RBMS3: variants seen among roughly 807,000 people sequenced by gnomAD.
The protein encoded by RBMS3 is RNA-binding motif, single-stranded-interacting protein 3.
RBMS3 carries 27 observed loss-of-function variants against 66.8 expected under a neutral mutation model. The ratio of observed to expected loss-of-function variants is 0.40; its 90% CI spans 0.30 to 0.56. The LOEUF is 0.56. RBMS3 is among the 20% of genes least tolerant of loss of function. The pLI is 0.40. For missense variants in RBMS3, 513 were observed against 549.5 expected, an observed-to-expected ratio of 0.93 and a Z score of 0.66; for synonymous variants, 188 against 183.0, an observed-to-expected ratio of 1.03 and a Z score of -0.22.
chr3:29,320,704 G>A (rs942446453), intron 1 of RBMS3, among the ~76,000 whole-genome samples: 1 of 151,986 alleles, frequency 6.6e-6, no homozygotes, highest in Non-Finnish European at 1.5e-5. Context: ...AGTCATAAGA[G>A]ATGTATTATA....
chr3:29,469,147 A>G (rs985633128), intron 2 of RBMS3, among the ~76,000 whole-genome samples: 8 of 152,166 alleles, frequency 5.3e-5, no homozygotes, highest in African/African-American at 1.7e-4. Flanking sequence ...ATCAAGTTTC[A>G]TTAATGCATT....
At chr3:29,639,328 T>A (rs186314423) in intron 4 of RBMS3, among the ~76,000 whole-genome samples, 1 of 151,862 alleles carries the variant, frequency 6.6e-6, no homozygotes, top group African/African-American at 2.4e-5. Context: ...ACTATGGATT[T>A]TTAGGTCCTA....
chr3:29,621,836 C>A (rs1462413896), intron 4 of RBMS3, among the ~76,000 whole-genome samples: 2 of 151,944 alleles, frequency 1.3e-5, no homozygotes, highest in South Asian at 2.1e-4. Context: ...ATATCATATA[C>A]CTGTAGAAAA....
At chr3:29,610,962 A>G (rs546813861) in intron 4 of RBMS3, among the ~76,000 whole-genome samples, 1 of 152,114 alleles carries the variant, frequency 6.6e-6, no homozygotes, top group Non-Finnish European at 1.5e-5. Flanking sequence ...TATACAGTTA[A>G]TGGGATTTGT....
intron 6 of RBMS3, among the ~76,000 whole-genome samples, chr3:29,854,927 A>G (rs1176330049): frequency 6.6e-6 from 1 of 152,166 alleles, no homozygotes; most frequent in Non-Finnish European, 1.5e-5. Context: ...TGACTGTACT[A>G]TTTCTATGCT....
intron 6 of RBMS3, among the ~76,000 whole-genome samples, chr3:29,807,267 T>C (rs933969132): frequency 6.6e-6 from 1 of 151,976 alleles, no homozygotes; most frequent in Non-Finnish European, 1.5e-5. Flanking sequence ...ACTGTCTTTT[T>C]CTTCTCTGCA....
At position 29,968,198 on chromosome 3, in the gene RBMS3, C is replaced by A. The variant is rs984469672; in HGVS notation, c.1099-19945C>A. On this transcript the variant is annotated intron_variant, in intron 12 of 14. Transcript: ENST00000383767. ...CTCACTCCCACGGCTGCCCACCCGGCCTGCCCCCGTAACAGTCTGTTTCCA... is the reference window on the plus strand; with the variant it reads ...CTCACTCCCACGGCTGCCCACCCGGACTGCCCCCGTAACAGTCTGTTTCCA... Among the ~76,000 whole-genome samples the A allele has an allele frequency of 2.0e-5, 3 of 147,194 alleles. No homozygotes were observed. The South Asian group carries it at 6.4e-4, about 31-fold the overall frequency.
chr3:29,364,972 C>T (rs1340715849), intron 1 of RBMS3, among the ~76,000 whole-genome samples: 3 of 152,072 alleles, frequency 2.0e-5, no homozygotes, highest in Non-Finnish European at 4.4e-5. Context: ...TCCTTTTTCC[C>T]AGTTCCTAAG....
In RBMS3 at chr3:29,600,258, T is replaced by C. The variant is rs76380327; in HGVS notation, c.399+13053T>C. Among the ~76,000 whole-genome samples, 1,034 of 152,108 alleles carry C rather than the reference T, an allele frequency of 6.8e-3. 29 individuals carry two copies. Among genetic ancestry groups the C allele is most frequent in the Admixed American group, 0.055 (832 of 15,236 alleles). ...ACCTCATGCTGAAATTCGATCCCCG[T>C]GTTGGAGCTGGGGCCTAGTTGGAGG... On this transcript the variant is annotated intron_variant, in intron 4 of 14. Coordinates refer to ENST00000383767, the MANE Select transcript of RBMS3 (RefSeq NM_001003793.3).
intron 1 of RBMS3, among the ~76,000 whole-genome samples, chr3:29,295,358 C>T (rs2371609): frequency 0.87 from 125,405 of 143,532 alleles, 54,899 homozygotes; most frequent in Middle Eastern, 0.92. Flanking sequence ...TATATATATA[C>T]ACACACATAT....
At chr3:29,396,446 A>G (rs984650663) in intron 1 of RBMS3, among the ~76,000 whole-genome samples, 13 of 152,172 alleles carry the variant, frequency 8.5e-5, no homozygotes, top group African/African-American at 3.1e-4. Context: ...AAATTGGAGT[A>G]CTAATTCTAG....
intron 1 of RBMS3, among the ~76,000 whole-genome samples, chr3:29,357,944 A>G (rs2037326225): frequency 6.6e-6 from 1 of 151,794 alleles, no homozygotes; most frequent in Admixed American, 6.6e-5. Context: ...TGGATTCTGG[A>G]TATTAACCCT....
intron 6 of RBMS3, among the ~76,000 whole-genome samples, chr3:29,859,355 A>G (rs1450460388): frequency 6.6e-6 from 1 of 152,128 alleles, no homozygotes; most frequent in African/African-American, 2.4e-5. Flanking sequence ...CCAAAATGAT[A>G]AAGTCAGTCA....
At chr3:29,585,590 C>G (rs1363782010) in intron 3 of RBMS3, among the ~76,000 whole-genome samples, 1 of 152,100 alleles carries the variant, frequency 6.6e-6, no homozygotes, top group Non-Finnish European at 1.5e-5. Flanking sequence ...CACCAAGTGC[C>G]AATGTGTCAA....
rs1337655940 is a variant in RBMS3, at chr3:29,771,005, TATGATCTAATTTTTAGA to T, written c.637+8038_637+8054del. On this transcript the variant is annotated intron_variant, in intron 6 of 14. Coordinates refer to ENST00000383767, the MANE Select transcript of RBMS3 (RefSeq NM_001003793.3). ...CCTGCTATACATACACCTCATCATT[TATGATCTAATTTTTAGA>T]ATGATCTAATTTTTAGAATGAAAAG... 7.2e-5 allele frequency among the ~76,000 whole-genome samples: 11 copies of T among 152,144 alleles called. No homozygotes were observed. The East Asian group carries it at 1.6e-3, about 21-fold the overall frequency.
chr3:29,461,791 T>C (rs9846762), intron 2 of RBMS3, among the ~76,000 whole-genome samples: 60,147 of 151,264 alleles, frequency 0.4, 12,260 homozygotes, highest in Admixed American at 0.5. Flanking sequence ...TCTCACTCTG[T>C]CACCTAGGCT....
At chr3:29,757,114 T>A (rs2055452922) in intron 5 of RBMS3, among the ~76,000 whole-genome samples, 2 of 152,172 alleles carry the variant, frequency 1.3e-5, no homozygotes, top group Non-Finnish European at 2.9e-5. Context: ...TCTTAGTCTT[T>A]CTGGTGACCA....
intron 5 of RBMS3, among the ~76,000 whole-genome samples, chr3:29,762,189 G>A (rs2055718020): frequency 6.6e-6 from 1 of 152,062 alleles, no homozygotes; most frequent in South Asian, 2.1e-4. Flanking sequence ...TGAAAAAATA[G>A]GATATTGTCC....
chr3:29,817,775 A>C (rs929333157), intron 6 of RBMS3, among the ~76,000 whole-genome samples: 9 of 151,956 alleles, frequency 5.9e-5, no homozygotes, highest in Non-Finnish European at 1.0e-4. Context: ...AAAATGATAA[A>C]CCATTTGAAA....
Sources: gnomAD v4.1 joint callset for allele counts (sites outside exome capture counted in the v4.1 genomes callset) on GRCh38, gnomAD v4.1.1 for gene constraint, MANE v1.5 for transcripts, NCBI Gene and HGNC (gene_info 2026-07-23, HGNC 2026-07-21) for gene names.